CCDC91: variants seen among roughly 807,000 people sequenced by gnomAD.
CCDC91 encodes coiled-coil domain-containing protein 91.
A neutral mutation model predicts 63.2 loss-of-function variants in CCDC91; 48 were observed. That is an observed-to-expected ratio of 0.76 (90% CI 0.60 to 0.97). CCDC91 has a LOEUF of 0.97. Ranked by LOEUF, CCDC91 falls within the 50% of genes least tolerant of loss-of-function variation. The pLI is 0.00. For missense variants in CCDC91, 500 were observed against 494.6 expected, an observed-to-expected ratio of 1.01 and a Z score of -0.10; for synonymous variants, 167 against 165.8, an observed-to-expected ratio of 1.01 and a Z score of -0.06.
intron 8 of CCDC91, among the ~76,000 whole-genome samples, chr12:28,436,781 T>C (rs1217314782): frequency 2.0e-5 from 3 of 151,852 alleles, no homozygotes; most frequent in African/African-American, 7.2e-5. Context: ...TATCTCATAC[T>C]ATGTATCTCA....
intron 1 of CCDC91, chr12:28,199,078 TA>T (rs778117983): frequency 3.9e-5 from 6 of 152,142 alleles, no homozygotes; most frequent in Non-Finnish European, 7.3e-5. Flanking sequence ...GATGCTTGGA[TA>T]ATTTTTTTAT....
intron 6 of CCDC91, among the ~76,000 whole-genome samples, chr12:28,356,158 A>G (rs1385345294): frequency 3.9e-5 from 6 of 152,122 alleles, no homozygotes; most frequent in Non-Finnish European, 7.4e-5. Context: ...GACAATGTAG[A>G]GGTGGAGACT....
rs1246017536 is a variant in CCDC91 at position 28,477,245 on chromosome 12, A to G, written c.1102-6807A>G. On this transcript the variant is annotated intron_variant, in intron 11 of 12. Coordinates refer to ENST00000536442, the MANE Select transcript of CCDC91 (RefSeq NM_018318.5). ...AATAAAATACTGGCAAACCGAATCCAGCAGCATATCAAAAAGCTTATCCAC... is the reference window on the plus strand; with the variant it reads ...AATAAAATACTGGCAAACCGAATCCGGCAGCATATCAAAAAGCTTATCCAC... Among the ~76,000 whole-genome samples the G allele has an allele frequency of 3.9e-5, 6 of 152,320 alleles. No homozygotes were observed. The South Asian group carries it at 6.2e-4, about 16-fold the overall frequency.
At chr12:28,305,970 A>G (rs1054220853) in intron 4 of CCDC91, among the ~76,000 whole-genome samples, 164 bp downstream of exon 4, 2 of 152,102 alleles carry the variant, frequency 1.3e-5, no homozygotes, top group African/African-American at 2.4e-5. Context: ...CAAAAAAACT[A>G]TATAATATGT....
intron 12 of CCDC91, among the ~76,000 whole-genome samples, chr12:28,498,058 G>A (rs1384947590): frequency 6.6e-6 from 1 of 151,526 alleles, no homozygotes; most frequent in Non-Finnish European, 1.5e-5. Context: ...TGGTTTTACA[G>A]GTTAAGTTAC....
intron 1 of CCDC91, among the ~76,000 whole-genome samples, chr12:28,218,585 C>G (rs565505372): frequency 6.6e-6 from 1 of 152,212 alleles, no homozygotes; most frequent in South Asian, 2.1e-4. Flanking sequence ...CCTTGTGCCT[C>G]ATAAGACTAG....
intron 6 of CCDC91, among the ~76,000 whole-genome samples, chr12:28,329,026 A>G (rs565531737): frequency 6.6e-6 from 1 of 152,308 alleles, no homozygotes; most frequent in South Asian, 2.1e-4. Context: ...CACTAACCTC[A>G]TAAAATGTGT....
intron 8 of CCDC91, among the ~76,000 whole-genome samples, chr12:28,422,803 C>G (rs1377831165): frequency 6.6e-6 from 1 of 152,116 alleles, no homozygotes; most frequent in Non-Finnish European, 1.5e-5. Context: ...ATCATCCTCA[C>G]TTTAAAAGTA....
At chr12:28,208,877 T>G (rs1473295784) in intron 1 of CCDC91, among the ~76,000 whole-genome samples, 1 of 152,194 alleles carries the variant, frequency 6.6e-6, no homozygotes, top group Non-Finnish European at 1.5e-5. Context: ...CTTGGCTCAC[T>G]GCAAGCTCTG....
At chr12:28,270,152 C>G (rs1947655653) in intron 3 of CCDC91, among the ~76,000 whole-genome samples, 1 of 151,776 alleles carries the variant, frequency 6.6e-6, no homozygotes, top group Admixed American at 6.6e-5. Context: ...GTGTTAAAGG[C>G]TAGTTTTATT....
At chr12:28,323,173 T>C (rs911044766) in intron 6 of CCDC91, among the ~76,000 whole-genome samples, 3 of 151,574 alleles carry the variant, frequency 2.0e-5, no homozygotes, top group Admixed American at 6.6e-5. Context: ...TTAATTATTA[T>C]ATATTTTAGT....
At chr12:28,312,340 G>C (rs1939411942) in intron 6 of CCDC91, among the ~76,000 whole-genome samples, 1 of 151,782 alleles carries the variant, frequency 6.6e-6, no homozygotes, top group African/African-American at 2.4e-5. Flanking sequence ...TACTAAGTTT[G>C]TGCATATTTA....
intron 7 of CCDC91, among the ~76,000 whole-genome samples, chr12:28,388,774 C>A (rs1030608780): frequency 6.6e-6 from 1 of 152,074 alleles, no homozygotes; most frequent in African/African-American, 2.4e-5. Flanking sequence ...CCCTTTTCAA[C>A]AAATGGTGCT....
chr12:28,302,638 T>C, intron 3 of CCDC91: 33 of 984,894 alleles, frequency 3.4e-5, no homozygotes, highest in Non-Finnish European at 4.0e-5. Flanking sequence ...GTTAGTAGTA[T>C]GGTGTGACTG....
chr12:28,239,707 C>T (rs1485722604), intron 1 of CCDC91, among the ~76,000 whole-genome samples: 2 of 151,966 alleles, frequency 1.3e-5, no homozygotes, highest in African/African-American at 4.8e-5. Flanking sequence ...ATGTAACACA[C>T]AGGTAAATAA....
At chr12:28,273,352 C>T (rs534547535) in intron 3 of CCDC91, among the ~76,000 whole-genome samples, 11 of 152,244 alleles carry the variant, frequency 7.2e-5, no homozygotes, top group African/African-American at 2.6e-4. Flanking sequence ...TGGGTATATA[C>T]CCAGTAATGG....
intron 1 of CCDC91, among the ~76,000 whole-genome samples, chr12:28,224,410 G>A (rs1259469602): frequency 2.0e-5 from 3 of 152,006 alleles, no homozygotes; most frequent in Non-Finnish European, 2.9e-5. Flanking sequence ...ATTTCTTCTA[G>A]GCTTATATAC....
intron 6 of CCDC91, among the ~76,000 whole-genome samples, chr12:28,347,842 A>G (rs980228571): frequency 1.3e-5 from 2 of 152,194 alleles, no homozygotes; most frequent in Non-Finnish European, 2.9e-5. Flanking sequence ...CTCCCTTGGC[A>G]AGAATTGTAT....
At chr12:28,330,460 G>A (rs1941406266) in intron 6 of CCDC91, among the ~76,000 whole-genome samples, 1 of 150,798 alleles carries the variant, frequency 6.6e-6, no homozygotes, top group South Asian at 2.1e-4. Context: ...TTTTGATGGG[G>A]TTGTTTTTTT....
Sources: allele counts gnomAD v4.1 joint callset (sites outside exome capture counted in the v4.1 genomes callset), GRCh38; gene constraint gnomAD v4.1.1; transcripts MANE v1.5; gene names NCBI Gene and HGNC (gene_info 2026-07-23, HGNC 2026-07-21).